Variants in RNF13 observed in about 807,000 individuals in gnomAD.
RNF13 encodes ring finger protein 13.
RNF13 carries 19 observed loss-of-function variants against 37.7 expected under a neutral mutation model. That is an observed-to-expected ratio of 0.50 (90% CI 0.35 to 0.74). RNF13 has a LOEUF of 0.74. Among genes scored for constraint, RNF13 ranks in the 30% least tolerant of loss-of-function variants. The probability of loss-of-function intolerance (pLI) is 0.01; values close to 1 mark genes in which losing one functional copy is unlikely to be tolerated. For synonymous variants in RNF13, 144 were observed against 157.8 expected (o/e 0.91, Z 0.65); for missense variants, 375 against 453.0 (o/e 0.83, Z 1.56).
intron 8 of RNF13, chr3:149,959,850 A>G (rs558671692): frequency 1.2e-5 from 5 of 412,402 alleles, no homozygotes; most frequent in African/African-American, 1.0e-4. Context: ...AGGTAAACAA[A>G]TTTGTCATCA....
In RNF13 at chr3:149,961,642, TTATCC is replaced by T. The variant is rs1272583634; in HGVS notation, c.*540_*544del. 2 of 276,144 alleles carry T rather than the reference TTATCC, an allele frequency of 7.2e-6. No homozygotes were observed. The highest frequency in any genetic ancestry group is 1.0e-4 in the East Asian group (1 of 10,024). 17.1% of individuals were successfully genotyped at this position (276,144 alleles called of 1,614,324 possible). A position where few individuals can be genotyped will look rare whatever the true frequency, so the allele number is the denominator to read the frequency against. ...TTTCCCTTTCTGTTCCAAAGCAGTC[TTATCC>T]TGACAGGAGCGGTCTATACTAGTGC... On this transcript the variant is annotated 3_prime_UTR_variant, in exon 10 of 10. Transcript: ENST00000392894.
chr3:149,889,292 C>CGTGTGCGTGTGT (rs1553761928), intron 4 of RNF13, among the ~76,000 whole-genome samples: 1 of 138,122 alleles, frequency 7.2e-6, no homozygotes, highest in African/African-American at 2.8e-5. Context: ...TTTGAGTGTG[C>CGTGTGCGTGTGT]GTGTGTGTGT....
chr3:149,848,370 G>A (rs1376157096), intron 2 of RNF13, among the ~76,000 whole-genome samples: 3 of 152,208 alleles, frequency 2.0e-5, no homozygotes, highest in Non-Finnish European at 4.4e-5. Flanking sequence ...ATAGAAGGCT[G>A]ACACGAATGC....
In RNF13 at chr3:149,915,806, A is replaced by G. The variant is rs1455236581; in HGVS notation, c.606+3723A>G. On this transcript the variant is annotated intron_variant, in intron 7 of 9. Coordinates refer to ENST00000392894, the MANE Select transcript of RNF13 (RefSeq NM_183381.3). ...CTGGAGTAGCCAAATTCATAGAGAC[A>G]GAAACTAGAATGGTGGTTGCCAGGG... Among the ~76,000 whole-genome samples, 3 of 152,312 alleles carry G rather than the reference A, an allele frequency of 2.0e-5. No individual in the cohort carries two copies. The South Asian group carries it at 6.2e-4, about 32-fold the overall frequency.
At chr3:149,944,628 A>G (rs904861243) in intron 8 of RNF13, among the ~76,000 whole-genome samples, 15 of 152,176 alleles carry the variant, frequency 9.9e-5, no homozygotes, top group African/African-American at 2.9e-4. Flanking sequence ...GTCTGTTCAT[A>G]TCCTTCGCCC....
At chr3:149,933,274 TTTTA>T (rs1000030495) in intron 8 of RNF13, among the ~76,000 whole-genome samples, 25 of 150,376 alleles carry the variant, frequency 1.7e-4, no homozygotes, top group African/African-American at 6.2e-4. Context: ...TTTTTTTTTT[TTTTA>T]AATTGTCTTG....
At chr3:149,902,716 GCT>G (rs1715966440) in intron 6 of RNF13, among the ~76,000 whole-genome samples, 1 of 152,066 alleles carries the variant, frequency 6.6e-6, no homozygotes, top group Non-Finnish European at 1.5e-5. Context: ...AGCTGTCTCA[GCT>G]AATATAGAAA....
intron 8 of RNF13, among the ~76,000 whole-genome samples, chr3:149,928,152 T>C (rs1718830086): frequency 6.6e-6 from 1 of 151,984 alleles, no homozygotes. Context: ...ACAATTCCTA[T>C]CAAAATTCCA....
chr3:149,929,897 C>G (rs1718999942), intron 8 of RNF13, among the ~76,000 whole-genome samples: 1 of 152,096 alleles, frequency 6.6e-6, no homozygotes, highest in Non-Finnish European at 1.5e-5. Flanking sequence ...ATTCTTTCAC[C>G]AGTACCACAC....
intron 1 of RNF13, among the ~76,000 whole-genome samples, chr3:149,831,742 C>A (rs941711076): frequency 6.6e-6 from 1 of 152,064 alleles, no homozygotes; most frequent in East Asian, 1.9e-4. Context: ...TTGGGAGGGT[C>A]CAGGGGCAGG....
intron 4 of RNF13, among the ~76,000 whole-genome samples, chr3:149,877,472 C>CTTTTTTTTTTTTTTTTTTTTTTGTTT (rs369676407): frequency 7.9e-5 from 8 of 101,488 alleles, no homozygotes; most frequent in African/African-American, 1.1e-4. Context: ...TTCTTTCTGT[C>CTTTTTTTTTTTTTTTTTTTTTTGTTT]TTTTTTTTTT....
chr3:149,939,636 C>G (rs541137644), intron 8 of RNF13: 62 of 647,376 alleles, frequency 9.6e-5, no homozygotes, highest in Non-Finnish European at 1.6e-4. Flanking sequence ...GCAATTTATC[C>G]TTTGCTCCAG....
chr3:149,829,483 AT>A (rs1403490169), intron 1 of RNF13, among the ~76,000 whole-genome samples: 1 of 152,206 alleles, frequency 6.6e-6, no homozygotes, highest in Non-Finnish European at 1.5e-5. Flanking sequence ...ATTGTAAAAC[AT>A]TTATTGCATA....
At chr3:149,884,679 A>G (rs547890029) in intron 4 of RNF13, among the ~76,000 whole-genome samples, 1 of 152,274 alleles carries the variant, frequency 6.6e-6, no homozygotes, top group South Asian at 2.1e-4. Context: ...TGATACAAAC[A>G]TGTAATGTAT....
At chr3:149,890,743 AG>A (rs1267907011) in intron 4 of RNF13, among the ~76,000 whole-genome samples, 2 of 152,152 alleles carry the variant, frequency 1.3e-5, no homozygotes, top group African/African-American at 4.8e-5. Context: ...GTGTCTTTTA[AG>A]ATACCATTTG....
chr3:149,961,144 T>A lies in RNF13; in HGVS notation c.*40T>A. 1 of 1,534,092 alleles carries A rather than the reference T, an allele frequency of 6.5e-7. No individual in the cohort carries two copies. Among genetic ancestry groups the A allele is most frequent in the Non-Finnish European group, 8.8e-7 (1 of 1,133,132 alleles). The stretch of plus-strand genomic sequence containing the variant: ...TTGGTTTATTTCCCTTTAAAATGAT[T>A]AGGTATATACTGTAATTTGATTTTT... On this transcript the variant is annotated 3_prime_UTR_variant, in exon 10 of 10. Transcript: ENST00000392894.
At chr3:149,880,275 A>T (rs1713232385) in intron 4 of RNF13, among the ~76,000 whole-genome samples, 1 of 152,222 alleles carries the variant, frequency 6.6e-6, no homozygotes, top group Non-Finnish European at 1.5e-5. Context: ...GGCCTCTGCT[A>T]TGTTAGGATG....
At chr3:149,840,371 T>A (rs1722055599) in intron 1 of RNF13, among the ~76,000 whole-genome samples, 1 of 152,100 alleles carries the variant, frequency 6.6e-6, no homozygotes, top group Non-Finnish European at 1.5e-5. Flanking sequence ...TTTTTTATTA[T>A]AGGCATACTC....
chr3:149,829,261 A>T (rs1438128061), intron 1 of RNF13, among the ~76,000 whole-genome samples: 1 of 152,030 alleles, frequency 6.6e-6, no homozygotes, highest in African/African-American at 2.4e-5. Flanking sequence ...CACCAGGCTC[A>T]GCTAATTTTT....
Sources: allele counts gnomAD v4.1 joint callset (sites outside exome capture counted in the v4.1 genomes callset), GRCh38; gene constraint gnomAD v4.1.1; transcripts MANE v1.5; gene names NCBI Gene and HGNC (gene_info 2026-07-23, HGNC 2026-07-21).